Variants in IMPG2 observed in about 807,000 individuals in gnomAD.
IMPG2 encodes the protein IPM 200.
IMPG2 carries 91 observed loss-of-function variants against 129.2 expected under a neutral mutation model. The ratio of observed to expected loss-of-function variants is 0.70; its 90% CI spans 0.59 to 0.84. IMPG2 has a LOEUF of 0.84. Ranked by LOEUF, IMPG2 falls within the 40% of genes least tolerant of loss-of-function variation. The pLI is 0.00. For synonymous variants in IMPG2, 510 were observed against 517.7 expected (o/e 0.99, Z 0.20); for missense variants, 1,430 against 1,461.7 (o/e 0.98, Z 0.35).
intron 2 of IMPG2, among the ~76,000 whole-genome samples, chr3:101,306,800 A>C (rs1707210103): frequency 6.6e-6 from 1 of 152,220 alleles, no homozygotes; most frequent in African/African-American, 2.4e-5. Flanking sequence ...AAAACATAGA[A>C]GAATATCTAC....
chr3:101,314,240 C>T (rs1448661829), intron 2 of IMPG2, among the ~76,000 whole-genome samples: 2 of 152,000 alleles, frequency 1.3e-5, no homozygotes, highest in African/African-American at 4.8e-5. Context: ...AAACAAACAG[C>T]CAATAAACTT....
rs755006408 is a variant in IMPG2 at position 101,320,394 on chromosome 3, G to A, written c.-22C>T. Reference sequence around the variant, plus strand: ...TCATTTGGGCCAAAACCAAAGGAATGAGGAGAGGACAGAATCCTTAATTGA... The same window carrying A: ...TCATTTGGGCCAAAACCAAAGGAATAAGGAGAGGACAGAATCCTTAATTGA... On this transcript the variant is annotated 5_prime_UTR_variant, in exon 1 of 19. Coordinates refer to ENST00000193391, the MANE Select transcript of IMPG2 (RefSeq NM_016247.4). 13 of 1,469,646 alleles carry A rather than the reference G, an allele frequency of 8.8e-6. No individual in the cohort carries two copies. In the Admixed American group the frequency reaches 1.0e-4, roughly 11 times the overall value. 91.0% of individuals were successfully genotyped at this position (1,469,646 alleles called of 1,614,324 possible).
chr3:101,229,710 G>T, intron 16 of IMPG2, 120 bp from the exon 17 acceptor site: 2 of 850,502 alleles, frequency 2.4e-6, no homozygotes, highest in African/African-American at 1.7e-5. Flanking sequence ...CAAATGGTGG[G>T]ACATAACTGT....
intron 11 of IMPG2, among the ~76,000 whole-genome samples, chr3:101,249,764 G>A (rs1020839126): frequency 1.3e-5 from 2 of 149,258 alleles, no homozygotes; most frequent in African/African-American, 2.5e-5. Context: ...GTGACCCTGA[G>A]GATAATATGA....
intron 9 of IMPG2, among the ~76,000 whole-genome samples, chr3:101,261,063 C>A (rs1706664129): frequency 6.6e-6 from 1 of 152,094 alleles, no homozygotes; most frequent in Non-Finnish European, 1.5e-5. Context: ...TTCGTATTAG[C>A]TTCATATATT....
chr3:101,278,978 T>C (rs2107255884), intron 4 of IMPG2, among the ~76,000 whole-genome samples: 1 of 152,256 alleles, frequency 6.6e-6, no homozygotes, highest in East Asian at 1.9e-4. Flanking sequence ...GGGATTCAGA[T>C]GCATTCAGAA....
At chr3:101,241,813 A>T (rs1393197716) in intron 14 of IMPG2, among the ~76,000 whole-genome samples, 1 of 152,062 alleles carries the variant, frequency 6.6e-6, no homozygotes, top group Non-Finnish European at 1.5e-5. Context: ...GGATCACCTG[A>T]GGTCAGGAGT....
At chr3:101,303,927 T>C (rs1027007568) in intron 3 of IMPG2, among the ~76,000 whole-genome samples, 1 of 152,186 alleles carries the variant, frequency 6.6e-6, no homozygotes, top group Non-Finnish European at 1.5e-5. Flanking sequence ...TTTTTCTTTT[T>C]GTGGACAGAA....
intron 4 of IMPG2, among the ~76,000 whole-genome samples, chr3:101,289,436 G>A (rs1200440244): frequency 6.6e-6 from 1 of 151,870 alleles, no homozygotes; most frequent in East Asian, 1.9e-4. Context: ...AAACTCAGAG[G>A]ATTAAATAAA....
intron 11 of IMPG2, among the ~76,000 whole-genome samples, chr3:101,252,445 C>A (rs1268442627): frequency 6.6e-6 from 1 of 152,078 alleles, no homozygotes; most frequent in Non-Finnish European, 1.5e-5. Context: ...TCACTCCCTG[C>A]CACTGGACCC....
intron 13 of IMPG2, among the ~76,000 whole-genome samples, chr3:101,243,113 A>G (rs1378434013): frequency 6.6e-6 from 1 of 152,242 alleles, no homozygotes; most frequent in Non-Finnish European, 1.5e-5. Context: ...AGATTTTCAT[A>G]GTGATATTTA....
chr3:101,310,067 C>G lies in IMPG2; in HGVS notation c.335-5755G>C, dbSNP rs545590. ...AAGAGAACTTTCTGGGGTGATAATA[C>G]CCTAAAACTTAAGAGAGGTTGGGGT... On this transcript the variant is annotated intron_variant, in intron 2 of 18. Transcript: ENST00000193391. Among the ~76,000 whole-genome samples, 690 of 152,184 alleles carry G rather than the reference C, an allele frequency of 4.5e-3. 7 individuals carry two copies. The highest frequency in any genetic ancestry group is 0.016 in the African/African-American group (662 of 41,530).
chr3:101,272,122 TACACACACACACAG>T (rs1559650287), intron 7 of IMPG2, among the ~76,000 whole-genome samples: 11 of 133,438 alleles, frequency 8.2e-5, no homozygotes, highest in Non-Finnish European at 1.1e-4. Flanking sequence ...CACACACACA[TACACACACACACAG>T]ACACACAAAG....
chr3:101,293,990 CTT>C (rs1707050654), intron 3 of IMPG2, among the ~76,000 whole-genome samples: 1 of 152,222 alleles, frequency 6.6e-6, no homozygotes, highest in Admixed American at 6.5e-5. Flanking sequence ...ACCACTAAAA[CTT>C]TCTCCATATC....
chr3:101,295,691 G>A (rs1707072250), intron 3 of IMPG2, among the ~76,000 whole-genome samples: 1 of 152,170 alleles, frequency 6.6e-6, no homozygotes, highest in African/African-American at 2.4e-5. Flanking sequence ...CTATTCATGA[G>A]GATGGAATGT....
Position 101,312,025 on chromosome 3 carries a change from C to CAA in IMPG2, c.334+7557_334+7558dup, listed in dbSNP as rs34507668. 2.6e-3 allele frequency among the ~76,000 whole-genome samples: 393 copies of CAA among 151,024 alleles called. 1 individual carries two copies. The highest frequency in any genetic ancestry group is 0.011 in the East Asian group (55 of 5,148). ...TAAATTTAGATCCTTACATCATATACAAAAAAAAATCAACTCAAAATAGAT... is the reference window on the plus strand; with the variant it reads ...TAAATTTAGATCCTTACATCATATACAAAAAAAAAAATCAACTCAAAATAGAT... On this transcript the variant is annotated intron_variant, in intron 2 of 18. Transcript: ENST00000193391.
chr3:101,245,924 G>C lies in IMPG2; in HGVS notation c.1421C>G (p.Ser474Cys), dbSNP rs377032263. 3 of 1,614,080 alleles carry C rather than the reference G, an allele frequency of 1.9e-6. No individual in the cohort carries two copies. Among genetic ancestry groups the C allele is most frequent in the Non-Finnish European group, 2.5e-6 (3 of 1,180,030 alleles). The part of the protein sequence containing the change: ...LAFPSKMGLS[S>C]SPEVLEVSSL... ...GCTAACCTCTAAAACCTCTGGGGAA[G>C]AGCTGAGGCCCATCTTCGAGGGAAA... The change falls in exon 12 of 19, where the codon TCT becomes TGT. Residue 474 changes from serine (S) to cysteine (C), a missense_variant. Transcript: ENST00000193391.
At chr3:101,271,845 T>C (rs1706786111) in intron 7 of IMPG2, among the ~76,000 whole-genome samples, 1 of 152,168 alleles carries the variant, frequency 6.6e-6, no homozygotes, top group Non-Finnish European at 1.5e-5. Context: ...AGAGACTGAA[T>C]GACAATGAAC....
Position 101,257,645 on chromosome 3 carries a change from G to A in IMPG2, c.1037C>T (p.Thr346Ile). The change falls in exon 10 of 19, where the codon ACT (threonine) becomes ATT (isoleucine). Residue 346 changes from threonine to isoleucine, a missense_variant. Coordinates refer to ENST00000193391, the MANE Select transcript of IMPG2 (RefSeq NM_016247.4). ...HGLVELDDKP[T>I]VVYTISNFRD... ...GAAGTTACTGATTGTATAAACAACA[G>A]TGGGTTTATCATCCAGTTCCACAAG... 3 of 1,613,464 alleles carry A rather than the reference G, an allele frequency of 1.9e-6. No homozygotes were observed. The highest frequency in any genetic ancestry group is 2.5e-6 in the Non-Finnish European group (3 of 1,179,582).
Sources: gnomAD v4.1 joint callset for allele counts (sites outside exome capture counted in the v4.1 genomes callset) on GRCh38, gnomAD v4.1.1 for gene constraint, MANE v1.5 for transcripts, NCBI Gene and HGNC (gene_info 2026-07-23, HGNC 2026-07-21) for gene names.